STK11IP: variants seen among roughly 807,000 people sequenced by gnomAD.
STK11IP encodes serine/threonine-protein kinase 11-interacting protein.
Under a neutral mutation model 131.7 loss-of-function variants are expected in STK11IP, and 103 were observed. The observed-to-expected ratio is 0.78, with a 90% CI of 0.67 to 0.92. The LOEUF is 0.92. Ranked by LOEUF, STK11IP falls within the 40% of genes least tolerant of loss-of-function variation. The pLI, the probability that STK11IP is intolerant of heterozygous loss-of-function variation, is 0.00. For synonymous variants in STK11IP, 557 were observed against 575.6 expected, an observed-to-expected ratio of 0.97 and a Z score of 0.46; for missense variants, 1,315 against 1,385.7, an observed-to-expected ratio of 0.95 and a Z score of 0.81.
Position 219,611,671 on chromosome 2 carries a change from C to T in STK11IP, c.2172C>T (p.Thr724=). Reference sequence around the variant, plus strand: ...TTCTCCTCGCTGTGTCTCGGGGAACCCCCAACAGGGAGCGGAAACAGGGAG... The same window carrying T: ...TTCTCCTCGCTGTGTCTCGGGGAACTCCCAACAGGGAGCGGAAACAGGGAG... ...HVVLLAVSRG[T]PNRERKQGEQ... Residue 724 remains threonine (T), a synonymous_variant, in exon 18 of 25, where the codon ACC becomes ACT. Coordinates refer to ENST00000456909, the MANE Select transcript of STK11IP (RefSeq NM_052902.4). 1.2e-6 allele frequency: 2 copies of T among 1,613,162 alleles called. No individual in the cohort carries two copies. Among genetic ancestry groups the T allele is most frequent in the Non-Finnish European group, 1.7e-6 (2 of 1,179,884 alleles).
intron 24 of STK11IP, chr2:219,615,705 A>T (rs1698550580): frequency 3.1e-6 from 2 of 639,562 alleles, no homozygotes; most frequent in Non-Finnish European, 6.0e-6. Context: ...TCCTATTTAC[A>T]GGTGAGGAAG....
At chr2:219,609,688 G>A (rs1031333887) in intron 17 of STK11IP, 148 bp downstream of exon 17, 10 of 862,650 alleles carry the variant, frequency 1.2e-5, no homozygotes, top group East Asian at 2.7e-5. Context: ...AAAGAAAACC[G>A]TCTGCCTGCT....
In STK11IP at chr2:219,616,220, C is replaced by T. The variant is rs370212425; in HGVS notation, c.*27C>T. The stretch of plus-strand genomic sequence containing the variant: ...GGTCCCACGCTGACCTTGGCCCTGA[C>T]CTCAGGAGCCACGCTGTAGACATTC... On this transcript the variant is annotated 3_prime_UTR_variant, in exon 25 of 25. Transcript: ENST00000456909. 10 of 1,604,562 alleles carry T rather than the reference C, an allele frequency of 6.2e-6. No individual in the cohort carries two copies. The African/African-American group carries it at 1.2e-4, about 19-fold the overall frequency.
intron 20 of STK11IP, 37 bp downstream of exon 20, chr2:219,613,262 G>A: frequency 2.0e-6 from 2 of 999,930 alleles, no homozygotes; most frequent in Non-Finnish European, 2.9e-6. Context: ...TAAGGGGGGA[G>A]ATGGGGTGAG....
chr2:219,601,693 T>G lies in STK11IP; in HGVS notation c.320T>G (p.Phe107Cys), dbSNP rs546230825. The change falls in exon 4 of 25, where the codon TTC becomes TGC. Residue 107 changes from phenylalanine to cysteine, a missense_variant. By Grantham distance (205) the Phe-to-Cys change is radical (BLOSUM62 -2). Transcript: ENST00000456909. ...ACAGGGCCCATCAAGATTTTCCCCTTCAAATCCCTTCGGCACCTGGAGGTA... is the reference window on the plus strand; with the variant it reads ...ACAGGGCCCATCAAGATTTTCCCCTGCAAATCCCTTCGGCACCTGGAGGTA... Reference protein sequence around the residue: ...GPTGPIKIFPFKSLRHLELRG... With the variant: ...GPTGPIKIFPCKSLRHLELRG... The G allele has an allele frequency of 6.2e-7, 1 of 1,606,600 alleles. No individual in the cohort carries two copies. Among genetic ancestry groups the G allele is most frequent in the Middle Eastern group, 1.7e-4 (1 of 6,050 alleles).
At chr2:219,598,071 C>T (rs769972775) in intron 1 of STK11IP, 23 bp from the exon 2 acceptor site, 2 of 1,576,174 alleles carry the variant, frequency 1.3e-6, no homozygotes, top group Non-Finnish European at 1.7e-6. Flanking sequence ...TGAGGCTCTT[C>T]CGCTTCCTCT....
Position 219,614,225 on chromosome 2 carries a change from C to A in STK11IP, c.2781C>A (p.Thr927=), listed in dbSNP as rs367897858. The change falls in exon 22 of 25, where the codon ACC becomes ACA. Residue 927 remains threonine, a synonymous_variant. Transcript: ENST00000456909. ...TCAGTGCCACAGAGGAGGAGGTCAC[C>A]CCCCAGCACCGGCTCTGGTGAGTCG... ...NCVSATEEEV[T]PQHRLWPLLE... is the part of the protein sequence containing the mutation. The A allele has an allele frequency of 3.6e-5, 58 of 1,613,240 alleles. No individual in the cohort carries two copies. The African/African-American group carries it at 3.6e-4, about 10-fold the overall frequency.
chr2:219,607,999 A>G (rs769932790), intron 13 of STK11IP, 48 bp from the exon 14 acceptor site: 2 of 1,574,978 alleles, frequency 1.3e-6, no homozygotes, highest in East Asian at 4.5e-5. Context: ...ATTTGGGGCC[A>G]TCTGTGTGGG....
chr2:219,613,066 C>T (rs1698443978), intron 19 of STK11IP, 62 bp from the exon 20 acceptor site: 2 of 1,411,414 alleles, frequency 1.4e-6, no homozygotes, highest in Non-Finnish European at 9.9e-7. Context: ...ACTCGGCTTT[C>T]AGTCTGGCCC....
chr2:219,613,622 G>T, intron 20 of STK11IP, 130 bp from the exon 21 acceptor site: 2 of 1,000,314 alleles, frequency 2.0e-6, no homozygotes, highest in Non-Finnish European at 3.1e-6. Flanking sequence ...TGGAATGAGG[G>T]GGAAGATGGG....
rs115357993 is a variant in STK11IP at position 219,615,560 on chromosome 2, T to C, written c.3117+219T>C. ...CTGTAGGCAGGGGAGACACCTGGAC[T>C]GGGAGCCCAGCCATTTAGCTGGGCC... On this transcript the variant is annotated intron_variant, in intron 24 of 24. Coordinates refer to ENST00000456909, the MANE Select transcript of STK11IP (RefSeq NM_052902.4). 3,110 of 684,176 alleles carry C rather than the reference T, an allele frequency of 4.5e-3. 71 individuals are homozygous for C. The African/African-American group carries it at 0.05, about 11-fold the overall frequency. 42.4% of individuals were successfully genotyped at this position (684,176 alleles called of 1,614,324 possible).
chr2:219,606,863 G>A lies in STK11IP; in HGVS notation c.1134+5G>A, dbSNP rs1418307489. On this transcript the variant is annotated splice_donor_5th_base_variant and intron_variant, in intron 12 of 24. Coordinates refer to ENST00000456909, the MANE Select transcript of STK11IP (RefSeq NM_052902.4). ...CCCCTGCTTCATAAGGTTAAGGTAAGCAGCGTCCTCCGCTGCCTTGTGCCT... is the reference window on the plus strand; with the variant it reads ...CCCCTGCTTCATAAGGTTAAGGTAAACAGCGTCCTCCGCTGCCTTGTGCCT... The A allele has an allele frequency of 6.2e-7, 1 of 1,607,638 alleles. No individual in the cohort carries two copies. Among genetic ancestry groups the A allele is most frequent in the East Asian group, 2.2e-5 (1 of 44,760 alleles).
Position 219,609,489 on chromosome 2 carries a change from A to G in STK11IP, c.2053A>G (p.Arg685Gly), listed in dbSNP as rs747910026. The G allele has an allele frequency of 1.9e-6, 3 of 1,600,852 alleles. No individual in the cohort carries two copies. Among genetic ancestry groups the G allele is most frequent in the Non-Finnish European group, 2.6e-6 (3 of 1,173,556 alleles). Residue 685 changes from arginine to glycine, a missense_variant, in exon 17 of 25, where the codon AGG becomes GGG. Arg to Gly is a moderately radical substitution (Grantham distance 125). Transcript: ENST00000456909. ...CCATGAGTTCAAGCCAGAGGAGCCC[A>G]GGATGGGATTAGACAGTGAGGAAGG... ...CGHEFKPEEP[R>G]MGLDSEEGWR... is the part of the protein sequence containing the mutation.
intron 5 of STK11IP, 126 bp downstream of exon 5, chr2:219,602,209 CCT>C (rs1698009937): frequency 1.4e-6 from 1 of 725,966 alleles, no homozygotes; most frequent in Middle Eastern, 2.9e-4. Flanking sequence ...GTCCTCACTC[CCT>C]CTCTGTGTTC....
At chr2:219,615,933 G>GA in intron 24 of STK11IP, 111 bp from the exon 25 acceptor site, 1 of 1,372,266 alleles carries the variant, frequency 7.3e-7, no homozygotes, top group Non-Finnish European at 1.0e-6. Flanking sequence ...TGGGGAAGGG[G>GA]AGAGGCACTG....
chr2:219,605,926 G>A (rs1407709025), intron 8 of STK11IP, 30 bp from the exon 9 acceptor site: 1 of 1,563,102 alleles, frequency 6.4e-7, no homozygotes, highest in Non-Finnish European at 8.7e-7. Flanking sequence ...TCATCCACAT[G>A]CTCTTCCTTC....
chr2:219,609,288 A>G, intron 16 of STK11IP, 75 bp downstream of exon 16: 2 of 1,580,618 alleles, frequency 1.3e-6, no homozygotes, highest in Non-Finnish European at 1.7e-6. Context: ...AGCAGGCCTG[A>G]GGGCCGGGGG....
chr2:219,608,821 C>G (rs1389748606), intron 15 of STK11IP, 33 bp downstream of exon 15: 2 of 1,552,770 alleles, frequency 1.3e-6, no homozygotes, highest in Non-Finnish European at 1.7e-6. Flanking sequence ...TCTGGAGGAG[C>G]CAGTTATGGG....
At position 219,601,401 on chromosome 2, in the gene STK11IP, G is replaced by T; in HGVS notation, c.228G>T (p.Gln76His). The stretch of plus-strand genomic sequence containing the variant: ...ACTCCCCTGTTATTCTTCAGCTTCA[G>T]TTTCTCTTCGATGTGCTGCAGAAAA... Reference protein sequence around the residue: ...PADSPVILQLQFLFDVLQKTL... With the variant: ...PADSPVILQLHFLFDVLQKTL... Residue 76 changes from glutamine (Q) to histidine (H), a missense_variant, in exon 3 of 25, where the codon CAG becomes CAT. By Grantham distance (24) the Gln-to-His change is conservative. Transcript: ENST00000456909. The T allele has an allele frequency of 3.7e-6, 6 of 1,614,046 alleles. No homozygotes were observed. Among genetic ancestry groups the T allele is most frequent in the Non-Finnish European group, 5.1e-6 (6 of 1,179,902 alleles).
Sources: gnomAD v4.1 joint callset for allele counts on GRCh38, gnomAD v4.1.1 for gene constraint, MANE v1.5 for transcripts, NCBI Gene and HGNC (gene_info 2026-07-23, HGNC 2026-07-21) for gene names.